Variants in AFAP1L1 observed in about 807,000 individuals in gnomAD.
AFAP1L1 encodes actin filament associated protein 1 like 1.
In AFAP1L1, 77 loss-of-function variants were observed where a neutral mutation model predicts 99.8. That is an observed-to-expected ratio of 0.77 (90% CI 0.64 to 0.93). The LOEUF is 0.93. Among genes scored for constraint, AFAP1L1 ranks in the 40% least tolerant of loss-of-function variants. AFAP1L1 has a pLI of 0.00. For synonymous variants in AFAP1L1, 373 were observed against 395.3 expected, an observed-to-expected ratio of 0.94 and a Z score of 0.67; for missense variants, 893 against 996.8, an observed-to-expected ratio of 0.90 and a Z score of 1.40.
At chr5:149,339,912 G>T in intron 18 of AFAP1L1, 95 bp from the exon 19 acceptor site, 2 of 1,404,636 alleles carry the variant, frequency 1.4e-6, no homozygotes, top group Admixed American at 3.6e-5. Flanking sequence ...CTGGCTAGTG[G>T]AGATCTTCAT....
chr5:149,299,469 CTG>C (rs1756118083), intron 1 of AFAP1L1, 38 bp from the exon 2 acceptor site: 2 of 1,610,694 alleles, frequency 1.2e-6, no homozygotes, highest in Non-Finnish European at 1.7e-6. Flanking sequence ...AGAGCTGTGA[CTG>C]TGCAGCTGTG....
At chr5:149,336,047 G>T (rs1390350882) in intron 18 of AFAP1L1, among the ~76,000 whole-genome samples, 1 of 152,130 alleles carries the variant, frequency 6.6e-6, no homozygotes, top group Admixed American at 6.5e-5. Flanking sequence ...GCTATGCAAG[G>T]TATCACTGCA....
At chr5:149,292,529 ATTTTAAATAGGT>A (rs1309091442) in intron 1 of AFAP1L1, among the ~76,000 whole-genome samples, 44 of 152,342 alleles carry the variant, frequency 2.9e-4, no homozygotes, top group African/African-American at 9.9e-4. Context: ...TCTTAGATAT[ATTTTAAATAGGT>A]TTCTAAATTT....
chr5:149,304,160 T>C (rs1033403438), intron 5 of AFAP1L1: 1 of 152,284 alleles, frequency 6.6e-6, no homozygotes, highest in Non-Finnish European at 1.5e-5. Context: ...TCACTTAGCA[T>C]GTTTTCTAGG....
At chr5:149,329,468 C>T (rs1161543131) in intron 15 of AFAP1L1, among the ~76,000 whole-genome samples, 198 bp from the exon 16 acceptor site, 1 of 152,232 alleles carries the variant, frequency 6.6e-6, no homozygotes, top group African/African-American at 2.4e-5. Context: ...GGCCTTGCTC[C>T]TAGTCCGTGT....
chr5:149,277,860 C>T (rs116374644), intron 1 of AFAP1L1, among the ~76,000 whole-genome samples: 74 of 152,256 alleles, frequency 4.9e-4, no homozygotes, highest in Middle Eastern at 3.4e-3. Context: ...AGGAGTCATA[C>T]GGGGCCGTAT....
intron 11 of AFAP1L1, 118 bp downstream of exon 11, chr5:149,316,421 C>T (rs1421308471): frequency 7.8e-7 from 1 of 1,279,760 alleles, no homozygotes; most frequent in Non-Finnish European, 1.1e-6. Context: ...GGAGGGAATC[C>T]AAGCCTACTG....
intron 11 of AFAP1L1, 80 bp downstream of exon 11, chr5:149,316,383 G>A (rs1244931607): frequency 2.6e-6 from 4 of 1,524,748 alleles, no homozygotes; most frequent in Non-Finnish European, 2.7e-6. Context: ...GAGACCTCAT[G>A]CCTCGTCCAC....
rs377364703 is a variant in AFAP1L1, at chr5:149,340,037, G to C, written c.*7G>C. ...GGAAATGAAGAAGACCTAGGAAGAG[G>C]ATGAGGATTTCATTCCAAAGGAAAT... On this transcript the variant is annotated 3_prime_UTR_variant, in exon 19 of 19. Transcript: ENST00000296721. 12 of 1,613,850 alleles carry C rather than the reference G, an allele frequency of 7.4e-6. No homozygotes were observed. The African/African-American group carries it at 1.5e-4, about 20-fold the overall frequency.
chr5:149,308,523 C>T (rs1235204909), intron 7 of AFAP1L1, among the ~76,000 whole-genome samples: 1 of 152,072 alleles, frequency 6.6e-6, no homozygotes, highest in East Asian at 1.9e-4. Context: ...AGAAAGAGCA[C>T]CTTTAATTAC....
intron 1 of AFAP1L1, among the ~76,000 whole-genome samples, chr5:149,292,612 T>A (rs1436947584): frequency 6.6e-6 from 1 of 152,226 alleles, no homozygotes; most frequent in Non-Finnish European, 1.5e-5. Flanking sequence ...TTTCTGAGCC[T>A]CTGTCTCACT....
rs1441339311 is a variant in AFAP1L1, at chr5:149,317,960, C to T, written c.1479+20C>T. On this transcript the variant is annotated intron_variant, in intron 12 of 18. Coordinates refer to ENST00000296721, the MANE Select transcript of AFAP1L1 (RefSeq NM_152406.4). Reference sequence around the variant, plus strand: ...TTGGAGGTGAGAGGAGAGGGTGGGACGTGGGTGGCTCTTGGTCTGGGGACT... The same window carrying T: ...TTGGAGGTGAGAGGAGAGGGTGGGATGTGGGTGGCTCTTGGTCTGGGGACT... 1.2e-5 allele frequency: 19 copies of T among 1,554,658 alleles called. No individual in the cohort carries two copies. Among genetic ancestry groups the T allele is most frequent in the Non-Finnish European group, 1.7e-5 (19 of 1,148,566 alleles).
At chr5:149,291,847 A>T (rs1448836115) in intron 1 of AFAP1L1, among the ~76,000 whole-genome samples, 2 of 152,254 alleles carry the variant, frequency 1.3e-5, no homozygotes, top group African/African-American at 4.8e-5. Context: ...TGCATAAGAA[A>T]GGAAATTTGA....
intron 4 of AFAP1L1, among the ~76,000 whole-genome samples, chr5:149,301,557 CT>C (rs1756213202): frequency 6.6e-6 from 1 of 152,180 alleles, no homozygotes; most frequent in African/African-American, 2.4e-5. Context: ...ACCAGCCCAA[CT>C]TCCGATTGCA....
chr5:149,289,813 G>A (rs976336456), intron 1 of AFAP1L1, among the ~76,000 whole-genome samples: 23 of 152,306 alleles, frequency 1.5e-4, no homozygotes, highest in African/African-American at 5.5e-4. Context: ...CCCAGAGCTG[G>A]ACACAGACAG....
chr5:149,316,221 C>A lies in AFAP1L1; in HGVS notation c.1185C>A (p.Thr395=). The A allele has an allele frequency of 1.2e-6, 2 of 1,614,072 alleles. No individual in the cohort carries two copies. The highest frequency in any genetic ancestry group is 1.7e-6 in the Non-Finnish European group (2 of 1,180,004). The part of the protein sequence containing the change: ...SMSRAAGRKI[T]RIIGFSKKKT... Reference sequence around the variant, plus strand: ...GCAGGGCTGCGGGCCGCAAGATCACCCGTATCATTGGCTTCTCCAAGAAGA... The same window carrying A: ...GCAGGGCTGCGGGCCGCAAGATCACACGTATCATTGGCTTCTCCAAGAAGA... The change falls in exon 11 of 19, where the codon ACC becomes ACA. Residue 395 remains threonine (T), a synonymous_variant. Coordinates refer to ENST00000296721, the MANE Select transcript of AFAP1L1 (RefSeq NM_152406.4).
chr5:149,319,801 G>A, intron 13 of AFAP1L1, 74 bp downstream of exon 13: 1 of 1,566,496 alleles, frequency 6.4e-7, no homozygotes, highest in Non-Finnish European at 8.6e-7. Context: ...GCTGAGTCCA[G>A]CCCTGGGCAC....
At position 149,334,127 on chromosome 5, in the gene AFAP1L1, C is replaced by T. The variant is rs144375862; in HGVS notation, c.2154+1254C>T. On this transcript the variant is annotated intron_variant, in intron 17 of 18. Coordinates refer to ENST00000296721, the MANE Select transcript of AFAP1L1 (RefSeq NM_152406.4). ...ATTGAGACTCAAAGAGATGAAATAACTTGTCTGTTAAGTATGACTTGTCAG... is the reference window on the plus strand; with the variant it reads ...ATTGAGACTCAAAGAGATGAAATAATTTGTCTGTTAAGTATGACTTGTCAG... Among the ~76,000 whole-genome samples, 334 of 152,328 alleles carry T rather than the reference C, an allele frequency of 2.2e-3. 2 individuals carry two copies. The highest frequency in any genetic ancestry group is 7.6e-3 in the African/African-American group (315 of 41,570).
chr5:149,272,023 G>T, intron 1 of AFAP1L1, 39 bp downstream of exon 1: 1 of 1,239,778 alleles, frequency 8.1e-7, no homozygotes. Context: ...TTGCGGCGCC[G>T]GGCGGGAAAG....
Sources: gnomAD v4.1 joint callset for allele counts (sites outside exome capture counted in the v4.1 genomes callset) on GRCh38, gnomAD v4.1.1 for gene constraint, MANE v1.5 for transcripts, NCBI Gene and HGNC (gene_info 2026-07-23, HGNC 2026-07-21) for gene names.